The following TIAM1 variants were observed in gnomAD, a reference collection of about 807,000 sequenced individuals.
TIAM1 encodes the protein TIAM Rac1 associated GEF 1, also known as rho guanine nucleotide exchange factor TIAM1.
Under a neutral mutation model 163.5 loss-of-function variants are expected in TIAM1, and 65 were observed. That is an observed-to-expected ratio of 0.40 (90% CI 0.33 to 0.49). The LOEUF (loss-of-function observed/expected upper bound fraction) is 0.49. Among genes scored for constraint, TIAM1 ranks in the 20% least tolerant of loss-of-function variants. The pLI is 0.77. For synonymous variants in TIAM1, 833 were observed against 810.1 expected (o/e 1.03, Z -0.48); for missense variants, 1,789 against 2,044.7 (o/e 0.87, Z 2.41).
At position 31,541,155 on chromosome 21, in the gene TIAM1, A is replaced by G. The variant is rs142566553; in HGVS notation, c.-422+17772T>C. On this transcript the variant is annotated intron_variant, in intron 1 of 28. Transcript: ENST00000286827. ...GTTTAGAAAAGAAAGCAAGCAAACA[A>G]TATATACTTAAAGAATGTCAGGCTG... 6.6e-3 allele frequency among the ~76,000 whole-genome samples: 1,004 copies of G among 152,308 alleles called. 7 individuals carry two copies. The highest frequency in any genetic ancestry group is 0.017 in the Middle Eastern group (5 of 294).
intron 2 of TIAM1, among the ~76,000 whole-genome samples, chr21:31,401,384 G>A (rs2077162023): frequency 6.6e-6 from 1 of 152,106 alleles, no homozygotes; most frequent in Admixed American, 6.5e-5. Flanking sequence ...GGGAAAAGCT[G>A]GAAGCTAACA....
At chr21:31,174,607 A>G (rs1389819920) in intron 15 of TIAM1, among the ~76,000 whole-genome samples, 1 of 152,194 alleles carries the variant, frequency 6.6e-6, no homozygotes, top group African/African-American at 2.4e-5. Context: ...CAGCTCTTGG[A>G]ACGCTGGAAC....
intron 9 of TIAM1, among the ~76,000 whole-genome samples, chr21:31,215,961 G>A (rs568404433): frequency 6.6e-6 from 1 of 152,248 alleles, no homozygotes; most frequent in South Asian, 2.1e-4. Context: ...AGGAGTTCGA[G>A]ACCAGCCTGG....
At chr21:31,241,870 T>A (rs1230202785) in intron 6 of TIAM1, among the ~76,000 whole-genome samples, 1 of 151,946 alleles carries the variant, frequency 6.6e-6, no homozygotes, top group Non-Finnish European at 1.5e-5. Flanking sequence ...ATCAGCCAGG[T>A]GTGGTGGTGT....
rs561001096 is a variant in TIAM1 at position 31,358,856 on chromosome 21, C to A, written c.-368-19434G>T. ...TAAATTAGATCACAGCATTCCTCCG[C>A]TCAAGGGGTAAAAGCCAAACTCCCT... is the stretch of plus-strand genomic sequence containing the variant. On this transcript the variant is annotated intron_variant, in intron 2 of 28. Transcript: ENST00000286827. Among the ~76,000 whole-genome samples, 16 of 152,286 alleles carry A rather than the reference C, an allele frequency of 1.1e-4. No individual in the cohort carries two copies. In the Middle Eastern group the frequency reaches 0.01, roughly 97 times the overall value.
At chr21:31,246,429 C>A (rs2071505784) in intron 5 of TIAM1, among the ~76,000 whole-genome samples, 1 of 152,146 alleles carries the variant, frequency 6.6e-6, no homozygotes, top group Non-Finnish European at 1.5e-5. Context: ...AAACTTGAGG[C>A]TCACTTTAAT....
At chr21:31,257,762 A>G (rs2146775160) in intron 4 of TIAM1, among the ~76,000 whole-genome samples, 1 of 152,252 alleles carries the variant, frequency 6.6e-6, no homozygotes, top group East Asian at 1.9e-4. Flanking sequence ...GTGAAATTGA[A>G]GAACTCATTC....
chr21:31,175,743 C>A (rs974923133), intron 15 of TIAM1, among the ~76,000 whole-genome samples: 3 of 151,886 alleles, frequency 2.0e-5, no homozygotes, highest in Non-Finnish European at 4.4e-5. Context: ...GGATTACAGG[C>A]GCCCGCCACC....
At chr21:31,430,237 T>TACACACACACAC (rs1569324350) in intron 2 of TIAM1, among the ~76,000 whole-genome samples, 1 of 131,690 alleles carries the variant, frequency 7.6e-6, no homozygotes, top group African/African-American at 3.2e-5. Context: ...TATATATATA[T>TACACACACACAC]ATATATATAT....
At chr21:31,323,032 G>A (rs1025707142) in intron 2 of TIAM1, among the ~76,000 whole-genome samples, 19 of 152,156 alleles carry the variant, frequency 1.2e-4, no homozygotes, top group Non-Finnish European at 5.9e-5. Flanking sequence ...GCTCACGCCT[G>A]TAATCCCAGC....
chr21:31,254,154 C>T (rs2071966719), intron 4 of TIAM1, among the ~76,000 whole-genome samples: 1 of 152,178 alleles, frequency 6.6e-6, no homozygotes, highest in Non-Finnish European at 1.5e-5. Flanking sequence ...CATCCCTATT[C>T]CATAAGAGAG....
At chr21:31,477,010 A>C (rs528298560) in intron 1 of TIAM1, among the ~76,000 whole-genome samples, 3 of 152,360 alleles carry the variant, frequency 2.0e-5, no homozygotes, top group Admixed American at 6.5e-5. Flanking sequence ...GACAGGTTCA[A>C]ATAAAAAAGG....
At chr21:31,271,317 G>A (rs1207648006) in intron 3 of TIAM1, among the ~76,000 whole-genome samples, 1 of 152,036 alleles carries the variant, frequency 6.6e-6, no homozygotes, top group Admixed American at 6.6e-5. Flanking sequence ...CAACTACAAT[G>A]CAACATAGGT....
At chr21:31,306,603 C>T (rs536577653) in intron 2 of TIAM1, among the ~76,000 whole-genome samples, 1 of 152,162 alleles carries the variant, frequency 6.6e-6, no homozygotes, top group Non-Finnish European at 1.5e-5. Flanking sequence ...CACCCTACAT[C>T]GTGGCCTGTG....
chr21:31,210,280 A>C (rs897011737), intron 10 of TIAM1, 65 bp from the exon 11 acceptor site: 12 of 1,545,360 alleles, frequency 7.8e-6, no homozygotes, highest in Middle Eastern at 1.7e-4. Context: ...AGATTCCCAG[A>C]CTGCACACAG....
At chr21:31,250,365 A>G (rs556205103) in intron 5 of TIAM1, among the ~76,000 whole-genome samples, 42 of 152,194 alleles carry the variant, frequency 2.8e-4, no homozygotes, top group Admixed American at 2.5e-3. Flanking sequence ...ATGCAGCAAA[A>G]CCTATATCCT....
At chr21:31,493,956 C>T (rs1405812844) in intron 1 of TIAM1, among the ~76,000 whole-genome samples, 2 of 152,092 alleles carry the variant, frequency 1.3e-5, no homozygotes, top group Non-Finnish European at 2.9e-5. Flanking sequence ...ACTCTGTCAC[C>T]CGGGCTGGAG....
intron 2 of TIAM1, among the ~76,000 whole-genome samples, chr21:31,392,570 CAAAAAAAA>C (rs61454127): frequency 3.5e-5 from 3 of 84,886 alleles, no homozygotes; most frequent in Admixed American, 1.2e-4. Flanking sequence ...AACTCTGTCT[CAAAAAAAA>C]AAAAAAAAAA....
chr21:31,281,709 T>C (rs2073574895), intron 2 of TIAM1, among the ~76,000 whole-genome samples: 1 of 151,826 alleles, frequency 6.6e-6, no homozygotes, highest in South Asian at 2.1e-4. Context: ...GATGGATGGA[T>C]AGATGGACAG....
Sources: allele counts gnomAD v4.1 joint callset (sites outside exome capture counted in the v4.1 genomes callset), GRCh38; gene constraint gnomAD v4.1.1; transcripts MANE v1.5; gene names NCBI Gene and HGNC (gene_info 2026-07-23, HGNC 2026-07-21).